The following CGAS variants were observed in gnomAD, a reference collection of about 807,000 sequenced individuals.
CGAS encodes 2'3'-cGAMP synthase.
Under a neutral mutation model 34.0 loss-of-function variants are expected in CGAS, and 31 were observed. The observed-to-expected ratio is 0.91, with a 90% CI of 0.69 to 1.23. The LOEUF (loss-of-function observed/expected upper bound fraction) is 1.23. CGAS is among the 50% of genes most tolerant of loss of function. The pLI is 0.00. For synonymous variants in CGAS, 266 were observed against 260.0 expected, an observed-to-expected ratio of 1.02 and a Z score of -0.22; for missense variants, 597 against 657.6, an observed-to-expected ratio of 0.91 and a Z score of 1.01.
At chr6:73,426,545 G>A (rs889745678) in intron 4 of CGAS, among the ~76,000 whole-genome samples, 1 of 148,960 alleles carries the variant, frequency 6.7e-6, no homozygotes, top group Non-Finnish European at 1.5e-5. Context: ...TTGAGACAGG[G>A]TCTCACTCTG....
At chr6:73,435,341 A>G (rs1358469511) in intron 3 of CGAS, among the ~76,000 whole-genome samples, 1 of 152,214 alleles carries the variant, frequency 6.6e-6, no homozygotes, top group Admixed American at 6.5e-5. Flanking sequence ...AAGAATTTCA[A>G]TTGGCAAAAA....
At chr6:73,432,364 T>G (rs982922153) in intron 3 of CGAS, among the ~76,000 whole-genome samples, 1 of 152,064 alleles carries the variant, frequency 6.6e-6, no homozygotes, top group Non-Finnish European at 1.5e-5. Flanking sequence ...TTTCACCATG[T>G]TGGCCAGGCT....
chr6:73,425,194 C>A lies in CGAS; in HGVS notation c.*33G>T, dbSNP rs779022111. 2.1e-6 allele frequency: 3 copies of A among 1,451,736 alleles called. No individual in the cohort carries two copies. The highest frequency in any genetic ancestry group is 2.8e-6 in the Non-Finnish European group (3 of 1,076,846). The allele number at this position is 1,451,736 out of a possible 1,614,324, so 89.9% of individuals were successfully genotyped here. On this transcript the variant is annotated 3_prime_UTR_variant, in exon 5 of 5. Coordinates refer to ENST00000370315, the MANE Select transcript of CGAS (RefSeq NM_138441.3). ...TTGTATTCTCCAGGATTTAGGGTGA[C>A]TCTAGTTCTTAGATCTTTCTAAAAA...
Position 73,425,209 on chromosome 6 carries a change from C to A in CGAS, c.*18G>T. On this transcript the variant is annotated 3_prime_UTR_variant, in exon 5 of 5. Transcript: ENST00000370315. The stretch of plus-strand genomic sequence containing the variant: ...TTTAGGGTGACTCTAGTTCTTAGAT[C>A]TTTCTAAAAATACAATCTCAAAATT... 1 of 1,517,316 alleles carries A rather than the reference C, an allele frequency of 6.6e-7. No homozygotes were observed. Among genetic ancestry groups the A allele is most frequent in the Non-Finnish European group, 8.9e-7 (1 of 1,125,766 alleles). The allele number at this position is 1,517,316 out of a possible 1,614,324, so 94.0% of individuals were successfully genotyped here.
rs140006201 is a variant in CGAS, at chr6:73,433,368, T to C, written c.1115-4557A>G. Among the ~76,000 whole-genome samples the C allele has an allele frequency of 7.0e-3, 1,058 of 151,964 alleles. 10 individuals carry two copies. The highest frequency in any genetic ancestry group is 0.024 in the African/African-American group (1,009 of 41,468). On this transcript the variant is annotated intron_variant, in intron 3 of 4. Coordinates refer to ENST00000370315, the MANE Select transcript of CGAS (RefSeq NM_138441.3). The stretch of plus-strand genomic sequence containing the variant: ...CCTCGAACTCCTGAGCTTAAGTGAT[T>C]CTCTTGCGTAACTAAGACTACAAGC...
chr6:73,438,786 T>C (rs905725674), intron 3 of CGAS, among the ~76,000 whole-genome samples: 4 of 151,784 alleles, frequency 2.6e-5, no homozygotes, highest in African/African-American at 9.7e-5. Context: ...TACCTTCCAG[T>C]GTTCCTCAGG....
rs1049514415 is a variant in CGAS, at chr6:73,423,978, T to C, written c.*1249A>G. On this transcript the variant is annotated 3_prime_UTR_variant, in exon 5 of 5. Coordinates refer to ENST00000370315, the MANE Select transcript of CGAS (RefSeq NM_138441.3). ...CCCATAAGAAAATGTGCAAAATATATGAACAGGAAATATTTAACAAACAGC... is the reference window on the plus strand; with the variant it reads ...CCCATAAGAAAATGTGCAAAATATACGAACAGGAAATATTTAACAAACAGC... The C allele has an allele frequency of 2.0e-5, 3 of 151,994 alleles. No individual in the cohort carries two copies. Among genetic ancestry groups the C allele is most frequent in the African/African-American group, 7.2e-5 (3 of 41,380 alleles). The allele number at this position is 151,994 out of a possible 1,614,324, so 9.4% of individuals were successfully genotyped here. A position where few individuals can be genotyped will look rare whatever the true frequency, so the allele number is the denominator to read the frequency against.
At chr6:73,431,487 C>T (rs1302043607) in intron 3 of CGAS, among the ~76,000 whole-genome samples, 4 of 151,800 alleles carry the variant, frequency 2.6e-5, no homozygotes, top group Admixed American at 1.3e-4. Flanking sequence ...AACAAAACAA[C>T]AACAACAACA....
At chr6:73,428,630 T>C in intron 4 of CGAS, 79 bp downstream of exon 4, 1 of 1,339,028 alleles carries the variant, frequency 7.5e-7, no homozygotes, top group Non-Finnish European at 1.0e-6. Flanking sequence ...AGCTCAGCTC[T>C]TCAGGTCTGA....
rs1415849924 is a variant in CGAS, at chr6:73,451,922, C to G, written c.260G>C (p.Arg87Pro). 1.3e-6 allele frequency: 2 copies of G among 1,508,746 alleles called. No individual in the cohort carries two copies. The highest frequency in any genetic ancestry group is 2.5e-5 in the South Asian group (2 of 79,942). The allele number at this position is 1,508,746 out of a possible 1,614,324, so 93.5% of individuals were successfully genotyped here. A position where few individuals can be genotyped will look rare whatever the true frequency, so the allele number is the denominator to read the frequency against. ...GTCAGACGGCTGCGTGTCCTGGGCG[C>G]GCTGAGGGGCCTTTTTGGCGCGGGC... is the stretch of plus-strand genomic sequence containing the variant. Reference protein sequence around the residue: ...TGARAKKAPQRAQDTQPSDAT... With the variant: ...TGARAKKAPQPAQDTQPSDAT... Residue 87 changes from arginine (R) to proline (P), a missense_variant, in exon 1 of 5, where the codon CGC becomes CCC. Transcript: ENST00000370315.
In CGAS at chr6:73,451,565, A is replaced by G. The variant is rs952772345; in HGVS notation, c.617T>C (p.Val206Ala). ...RLKCDSAFRG[V>A]GLLNTGSYYE... ...GTAGCTCCCGGTGTTCAGCAGCCCG[A>G]CGCCTCTGAACGCGGAGTCGCACTT... is the stretch of plus-strand genomic sequence containing the variant. Residue 206 changes from valine to alanine, a missense_variant, in exon 1 of 5, where the codon GTC (valine) becomes GCC (alanine). Coordinates refer to ENST00000370315, the MANE Select transcript of CGAS (RefSeq NM_138441.3). The G allele has an allele frequency of 1.2e-6, 2 of 1,606,714 alleles. No homozygotes were observed. The highest frequency in any genetic ancestry group is 1.7e-6 in the Non-Finnish European group (2 of 1,176,920).
chr6:73,448,596 A>G (rs961494085), intron 1 of CGAS, among the ~76,000 whole-genome samples: 1 of 152,012 alleles, frequency 6.6e-6, no homozygotes, highest in African/African-American at 2.4e-5. Context: ...TTTTTTACCT[A>G]GAATTTGTAG....
At chr6:73,430,400 A>G (rs1303806762) in intron 3 of CGAS, among the ~76,000 whole-genome samples, 1 of 151,922 alleles carries the variant, frequency 6.6e-6, no homozygotes, top group Non-Finnish European at 1.5e-5. Context: ...GGAGGCCGAG[A>G]CAGGAGACCA....
In CGAS at chr6:73,425,300, C is replaced by A. The variant is rs1206488804; in HGVS notation, c.1496G>T (p.Arg499Ile). The A allele has an allele frequency of 6.2e-7, 1 of 1,602,756 alleles. No homozygotes were observed. The highest frequency in any genetic ancestry group is 8.5e-7 in the Non-Finnish European group (1 of 1,177,310). ...NLFSSNLIDK[R>I]SKEFLTKQIE... Reference sequence around the variant, plus strand: ...TTGCTTTGTCAGAAATTCCTTACTTCTTTTGTCAATTAAGTTGCTAGAGAA... The same window carrying A: ...TTGCTTTGTCAGAAATTCCTTACTTATTTTGTCAATTAAGTTGCTAGAGAA... The change falls in exon 5 of 5, where the codon AGA becomes ATA. Residue 499 changes from arginine (R) to isoleucine (I), a missense_variant. Arg to Ile is a moderately conservative substitution (Grantham distance 97). Transcript: ENST00000370315.
intron 3 of CGAS, among the ~76,000 whole-genome samples, chr6:73,429,889 T>A (rs1243939963): frequency 6.6e-6 from 1 of 152,132 alleles, no homozygotes; most frequent in Non-Finnish European, 1.5e-5. Flanking sequence ...GACCACCCTG[T>A]TACTTCGTGG....
chr6:73,449,994 C>T (rs992469714), intron 1 of CGAS, among the ~76,000 whole-genome samples: 1 of 128,972 alleles, frequency 7.8e-6, no homozygotes, highest in African/African-American at 2.9e-5. Context: ...GAAACTCCAT[C>T]AAAAAAAGAA....
At chr6:73,445,815 TA>T in intron 1 of CGAS, 68 bp from the exon 2 acceptor site, 1 of 1,234,334 alleles carries the variant, frequency 8.1e-7, no homozygotes, top group South Asian at 1.4e-5. Flanking sequence ...TGGAACTTTT[TA>T]AAAAATTTCC....
intron 2 of CGAS, among the ~76,000 whole-genome samples, 198 bp from the exon 3 acceptor site, chr6:73,440,643 T>C (rs1042769606): frequency 3.9e-5 from 6 of 152,152 alleles, no homozygotes; most frequent in Admixed American, 3.9e-4. Flanking sequence ...GGCTCATGCC[T>C]GTAATCGCAG....
chr6:73,428,676 A>G lies in CGAS; in HGVS notation c.1217+33T>C, dbSNP rs748976034. The G allele has an allele frequency of 8.8e-6, 14 of 1,582,990 alleles. No individual in the cohort carries two copies. In the East Asian group the frequency reaches 2.5e-4, roughly 28 times the overall value. Reference sequence around the variant, plus strand: ...CAACAAATAATTAAGCATACCATAGATAATCTGTCATTTAACAAAATAAGG... The same window carrying G: ...CAACAAATAATTAAGCATACCATAGGTAATCTGTCATTTAACAAAATAAGG... On this transcript the variant is annotated intron_variant, in intron 4 of 4. Coordinates refer to ENST00000370315, the MANE Select transcript of CGAS (RefSeq NM_138441.3).
Sources: allele counts gnomAD v4.1 joint callset (sites outside exome capture counted in the v4.1 genomes callset), GRCh38; gene constraint gnomAD v4.1.1; transcripts MANE v1.5; gene names NCBI Gene and HGNC (gene_info 2026-07-23, HGNC 2026-07-21).